Variants in DLGAP2 observed in about 807,000 individuals in gnomAD.
DLGAP2 encodes DLG associated protein 2, also known as disks large-associated protein 2.
Under a neutral mutation model 100.3 loss-of-function variants are expected in DLGAP2, and 26 were observed. The observed-to-expected ratio is 0.26, with a 90% CI of 0.19 to 0.36. The LOEUF (loss-of-function observed/expected upper bound fraction) is 0.36, where lower values mean the gene tolerates loss of function less well. Ranked by LOEUF, DLGAP2 falls within the 10% of genes least tolerant of loss-of-function variation. The pLI is 1.00. For synonymous variants in DLGAP2, 886 were observed against 630.1 expected, an observed-to-expected ratio of 1.41 and a Z score of -6.08; for missense variants, 1,858 against 1,453.2, an observed-to-expected ratio of 1.28 and a Z score of -4.53.
intron 3 of DLGAP2, among the ~76,000 whole-genome samples, chr8:1,270,259 G>A (rs1799553691): frequency 6.6e-6 from 1 of 152,166 alleles, no homozygotes; most frequent in African/African-American, 2.4e-5. Context: ...AAGGGACTTG[G>A]ATCAACAGAG....
At chr8:1,028,667 C>G (rs1203055146) in intron 2 of DLGAP2, among the ~76,000 whole-genome samples, 4 of 152,234 alleles carry the variant, frequency 2.6e-5, no homozygotes, top group African/African-American at 9.6e-5. Flanking sequence ...GAGAGCCATC[C>G]AGGAGCTAGG....
chr8:1,316,053 T>C (rs1800735837), intron 3 of DLGAP2, among the ~76,000 whole-genome samples: 1 of 137,980 alleles, frequency 7.2e-6, no homozygotes, highest in Non-Finnish European at 1.6e-5. Context: ...CTTTTAAAAA[T>C]AGAGCGTGTG....
Position 737,651 on chromosome 8 carries a change from A to C in DLGAP2, c.-157A>C, listed in dbSNP as rs1481939362. ...GAAGACCGACCGTGCGCCGGGCTCG[A>C]GCGCGGTCTGAGCGCGCGGCGCCTG... On this transcript the variant is annotated 5_prime_UTR_variant, in exon 1 of 15. Transcript: ENST00000637795. 2.6e-5 allele frequency: 9 copies of C among 352,622 alleles called. No individual in the cohort carries two copies. The highest frequency in any genetic ancestry group is 4.7e-5 in the Admixed American group (1 of 21,076). The allele number at this position is 352,622 out of a possible 1,614,324, so 21.8% of individuals were successfully genotyped here.
At chr8:868,762 C>T (rs1174415696) in intron 1 of DLGAP2, among the ~76,000 whole-genome samples, 1 of 152,172 alleles carries the variant, frequency 6.6e-6, no homozygotes, top group Non-Finnish European at 1.5e-5. Context: ...ACAGTGTTCC[C>T]TCTTCAGGTG....
intron 3 of DLGAP2, among the ~76,000 whole-genome samples, chr8:1,415,655 C>A (rs138048294): frequency 3.9e-5 from 6 of 152,206 alleles, no homozygotes; most frequent in African/African-American, 1.4e-4. Context: ...TTCTCTCTTA[C>A]GGCTGCATAG....
intron 2 of DLGAP2, among the ~76,000 whole-genome samples, chr8:1,057,142 C>G (rs962600849): frequency 1.3e-5 from 2 of 152,170 alleles, no homozygotes; most frequent in African/African-American, 4.8e-5. Flanking sequence ...ACCTGTGAAA[C>G]CTTTCAGTGT....
chr8:1,439,722 G>A (rs1391871662), intron 3 of DLGAP2, among the ~76,000 whole-genome samples: 1 of 152,116 alleles, frequency 6.6e-6, no homozygotes, highest in Non-Finnish European at 1.5e-5. Flanking sequence ...CCATCCCCTA[G>A]GCTGCTTTGG....
chr8:1,203,324 G>A (rs925318118), intron 2 of DLGAP2, among the ~76,000 whole-genome samples: 2 of 151,214 alleles, frequency 1.3e-5, no homozygotes, highest in East Asian at 2.0e-4. Context: ...CGTGTCCTTC[G>A]GTGACGAGGC....
chr8:1,338,673 A>G (rs1801345152), intron 3 of DLGAP2, among the ~76,000 whole-genome samples: 1 of 152,262 alleles, frequency 6.6e-6, no homozygotes, highest in Non-Finnish European at 1.5e-5. Flanking sequence ...ACCAAAAACT[A>G]AAGACACGAT....
chr8:1,128,603 C>T (rs1796224042), intron 2 of DLGAP2, among the ~76,000 whole-genome samples: 1 of 152,202 alleles, frequency 6.6e-6, no homozygotes, highest in Admixed American at 6.5e-5. Flanking sequence ...TTGTATAACA[C>T]ATTCTGATGT....
intron 10 of DLGAP2, among the ~76,000 whole-genome samples, chr8:1,673,408 T>A (rs186676511): frequency 6.6e-6 from 1 of 152,342 alleles, no homozygotes; most frequent in East Asian, 1.9e-4. Context: ...TTTCTGAAAT[T>A]GATAAATACT....
At chr8:1,243,401 C>G (rs552642483) in intron 2 of DLGAP2, among the ~76,000 whole-genome samples, 60 of 152,282 alleles carry the variant, frequency 3.9e-4, no homozygotes, top group African/African-American at 1.4e-3. Context: ...ACGGTCATTC[C>G]TCCTGCGCAG....
chr8:1,429,997 CATATATATACATATATAT>C (rs1377505793), intron 3 of DLGAP2, among the ~76,000 whole-genome samples: 5 of 19,650 alleles, frequency 2.5e-4, no homozygotes, highest in East Asian at 3.4e-3. Context: ...GGGAGAGATG[CATATATATACATATATAT>C]ATATATATAT....
At chr8:1,075,132 T>C (rs945215741) in intron 2 of DLGAP2, among the ~76,000 whole-genome samples, 1 of 152,222 alleles carries the variant, frequency 6.6e-6, no homozygotes, top group Non-Finnish European at 1.5e-5. Flanking sequence ...TCAGACTCAA[T>C]GGAGTTCACC....
intron 2 of DLGAP2, among the ~76,000 whole-genome samples, chr8:1,120,535 A>G (rs1796013162): frequency 6.6e-6 from 1 of 151,812 alleles, no homozygotes; most frequent in Non-Finnish European, 1.5e-5. Context: ...CCAGCTGCCC[A>G]TCTTCATCCC....
intron 2 of DLGAP2, among the ~76,000 whole-genome samples, chr8:1,053,494 G>A (rs1316745217): frequency 6.6e-6 from 1 of 152,078 alleles, no homozygotes; most frequent in Non-Finnish European, 1.5e-5. Context: ...CGCAGTCTCC[G>A]AGGCCAGGGG....
In DLGAP2 at chr8:1,407,606, A is replaced by C. The variant is rs377064851; in HGVS notation, c.107-93760A>C. Among the ~76,000 whole-genome samples the C allele has an allele frequency of 1.4e-4, 5 of 36,940 alleles. No individual in the cohort carries two copies. The East Asian group carries it at 4.1e-3, about 30-fold the overall frequency. The allele number at this position is 36,940 out of a possible 152,430, so 24.2% of individuals were successfully genotyped here. On this transcript the variant is annotated intron_variant, in intron 3 of 14. Coordinates refer to ENST00000637795, the MANE Select transcript of DLGAP2 (RefSeq NM_001346810.2). ...AGTGCTTACTGAGCGCCACCTCCTC[A>C]TCCTCCAGAGTCGTGTATTGAGTGC...
chr8:1,384,764 G>A (rs76833720), intron 3 of DLGAP2, among the ~76,000 whole-genome samples: 1 of 43,750 alleles, frequency 2.3e-5, no homozygotes, highest in African/African-American at 8.9e-5. Context: ...GCCTATGCCC[G>A]GCCCCTGAGA....
intron 2 of DLGAP2, among the ~76,000 whole-genome samples, chr8:1,072,870 C>A (rs1409687059): frequency 6.6e-6 from 1 of 152,186 alleles, no homozygotes; most frequent in Non-Finnish European, 1.5e-5. Context: ...GCTGAGTGTG[C>A]CCGGGGACCC....
Sources: allele counts gnomAD v4.1 joint callset (sites outside exome capture counted in the v4.1 genomes callset), GRCh38; gene constraint gnomAD v4.1.1; transcripts MANE v1.5; gene names NCBI Gene and HGNC (gene_info 2026-07-23, HGNC 2026-07-21).